The following ESRRB variants were observed in gnomAD, a reference collection of about 807,000 sequenced individuals.
ESRRB encodes steroid hormone receptor ERR2.
In ESRRB, 16 loss-of-function variants were observed where a neutral mutation model predicts 46.0. That is an observed-to-expected ratio of 0.35 (90% CI 0.24 to 0.53). The LOEUF (loss-of-function observed/expected upper bound fraction) is 0.53, where lower values mean the gene tolerates loss of function less well. Ranked by LOEUF, ESRRB falls within the 20% of genes least tolerant of loss-of-function variation. The probability of loss-of-function intolerance (pLI) is 0.93; values close to 1 mark genes in which losing one functional copy is unlikely to be tolerated. For synonymous variants in ESRRB, 246 were observed against 259.6 expected, an observed-to-expected ratio of 0.95 and a Z score of 0.50; for missense variants, 488 against 607.4, an observed-to-expected ratio of 0.80 and a Z score of 2.07.
intron 1 of ESRRB, among the ~76,000 whole-genome samples, chr14:76,314,096 A>G (rs1731544026): frequency 6.6e-6 from 1 of 152,128 alleles, no homozygotes. Flanking sequence ...TTTCTGCAGG[A>G]GGAAAGAGTT....
chr14:76,388,456 A>G (rs1885333360), intron 1 of ESRRB, among the ~76,000 whole-genome samples: 1 of 152,048 alleles, frequency 6.6e-6, no homozygotes, highest in African/African-American at 2.4e-5. Context: ...AAGTGCTGGG[A>G]TTACAGGCGT....
Position 76,482,581 on chromosome 14 carries a change from C to G in ESRRB, c.689-17C>G. On this transcript the variant is annotated splice_polypyrimidine_tract_variant and intron_variant, in intron 4 of 6. Coordinates refer to ENST00000644823, the MANE Select transcript of ESRRB (RefSeq NM_001379180.1). This position sits in a 1 kb window ranked among gnomAD's most constrained non-coding sequence, Gnocchi z 4.3. ...CTCTTTTCCCAGCATTTACCTTTCC[C>G]TCTTTGGTTGTTGCAGTGACCAAGA... is the stretch of plus-strand genomic sequence containing the variant. 3 of 1,614,144 alleles carry G rather than the reference C, an allele frequency of 1.9e-6. No individual in the cohort carries two copies. Among genetic ancestry groups the G allele is most frequent in the Non-Finnish European group, 2.5e-6 (3 of 1,180,024 alleles).
At chr14:76,441,141 C>T (rs958307605) in intron 2 of ESRRB, among the ~76,000 whole-genome samples, 1 of 152,192 alleles carries the variant, frequency 6.6e-6, no homozygotes, top group Non-Finnish European at 1.5e-5. Context: ...CAGCCTTGAA[C>T]TCCTGGGCTC....
At position 76,462,151 on chromosome 14, in the gene ESRRB, T is replaced by C. The variant is rs189349601; in HGVS notation, c.461-394T>C. 4.9e-3 allele frequency among the ~76,000 whole-genome samples: 750 copies of C among 151,888 alleles called. 3 individuals are homozygous for C. Among genetic ancestry groups the C allele is most frequent in the Non-Finnish European group, 7.4e-3 (506 of 67,938 alleles). On this transcript the variant is annotated intron_variant, in intron 2 of 6. Coordinates refer to ENST00000644823, the MANE Select transcript of ESRRB (RefSeq NM_001379180.1). Reference sequence around the variant, plus strand: ...CATGTTGGGGTCCCAGGCTGGAGGCTGGAGGAGCCTGTGGTGGTGGTGGTG... The same window carrying C: ...CATGTTGGGGTCCCAGGCTGGAGGCCGGAGGAGCCTGTGGTGGTGGTGGTG...
chr14:76,437,708 C>A (rs1887734777), intron 1 of ESRRB, among the ~76,000 whole-genome samples: 2 of 152,168 alleles, frequency 1.3e-5, no homozygotes, highest in South Asian at 4.1e-4. Context: ...CAGACCCAAT[C>A]CTGGCTGGAA....
At chr14:76,456,513 G>A (rs185613659) in intron 2 of ESRRB, among the ~76,000 whole-genome samples, 2 of 152,302 alleles carry the variant, frequency 1.3e-5, no homozygotes, top group African/African-American at 2.4e-5. Flanking sequence ...GAGGGAGGGA[G>A]CAGGTATCAG....
chr14:76,458,455 CACACACACACACACAAACACACACACAT>C (rs752751589), intron 2 of ESRRB, among the ~76,000 whole-genome samples: 10,333 of 105,264 alleles, frequency 0.098, 388 homozygotes, highest in African/African-American at 0.14. Flanking sequence ...CACACACACA[CACACACACACACACAAACACACACACAT>C]GCATGCAGGC....
intron 5 of ESRRB, among the ~76,000 whole-genome samples, chr14:76,485,383 A>T (rs1889968252): frequency 6.6e-6 from 1 of 151,586 alleles, no homozygotes; most frequent in African/African-American, 2.4e-5. Context: ...GACTACAGGC[A>T]CGTGCCACCA....
At chr14:76,461,281 A>T (rs1280464419) in intron 2 of ESRRB, among the ~76,000 whole-genome samples, 1 of 152,120 alleles carries the variant, frequency 6.6e-6, no homozygotes. Context: ...TAGTATTAGT[A>T]CTTATTTTCT....
At chr14:76,372,095 A>T (rs74069830), upstream of ESRRB, among the ~76,000 whole-genome samples, 723 of 152,132 alleles carry the variant, frequency 4.8e-3, 8 homozygotes, top group African/African-American at 0.017. Flanking sequence ...TCATGACGAG[A>T]CTGCTCTAGT....
At chr14:76,459,019 A>AT (rs1429020561) in intron 2 of ESRRB, among the ~76,000 whole-genome samples, 1 of 151,686 alleles carries the variant, frequency 6.6e-6, no homozygotes, top group Non-Finnish European at 1.5e-5. Context: ...TAAGTTTTGT[A>AT]TTTTTAGTAG....
At chr14:76,480,264 G>A (rs1416430526) in intron 3 of ESRRB, among the ~76,000 whole-genome samples, 1 of 152,162 alleles carries the variant, frequency 6.6e-6, no homozygotes, top group East Asian at 1.9e-4. Context: ...CCAGGTTGTG[G>A]GGTTGAAAAA....
At chr14:76,332,721 A>ATATATT (rs1884040019) in intron 1 of ESRRB, among the ~76,000 whole-genome samples, 2 of 25,172 alleles carry the variant, frequency 7.9e-5, no homozygotes, top group Non-Finnish European at 1.2e-4. Flanking sequence ...TTTATATATT[A>ATATATT]TATATATTTA....
At chr14:76,479,696 C>T (rs1450741207) in intron 3 of ESRRB, among the ~76,000 whole-genome samples, 2 of 152,148 alleles carry the variant, frequency 1.3e-5, no homozygotes, top group African/African-American at 4.8e-5. Context: ...TCCTCACCTT[C>T]GCTCTGTCCT....
At chr14:76,442,816 CT>C (rs1245748328) in intron 2 of ESRRB, among the ~76,000 whole-genome samples, 1,845 of 131,024 alleles carry the variant, frequency 0.014, 5 homozygotes, top group Non-Finnish European at 0.017. Flanking sequence ...TCTTTTTTTT[CT>C]TTTTTTTTTT....
In ESRRB at chr14:76,436,354, G is replaced by A. The variant is rs146140879; in HGVS notation, c.51-2987G>A. Among the ~76,000 whole-genome samples, 3 of 152,340 alleles carry A rather than the reference G, an allele frequency of 2.0e-5. No homozygotes were observed. In the East Asian group the frequency reaches 5.8e-4, roughly 29 times the overall value. ...ACAGATCTGAAACAGGTGACACAGA[G>A]TACTTGGTCACTACATCATCGCTGC... On this transcript the variant is annotated intron_variant, in intron 1 of 6. Coordinates refer to ENST00000644823, the MANE Select transcript of ESRRB (RefSeq NM_001379180.1).
chr14:76,445,489 A>G (rs1888103882), intron 2 of ESRRB, among the ~76,000 whole-genome samples: 1 of 150,628 alleles, frequency 6.6e-6, no homozygotes, highest in Non-Finnish European at 1.5e-5. Context: ...AAAAAAAGAA[A>G]GAAAGAAAGA....
intron 1 of ESRRB, among the ~76,000 whole-genome samples, chr14:76,316,839 A>G (rs1433574197): frequency 6.6e-6 from 1 of 152,130 alleles, no homozygotes; most frequent in Non-Finnish European, 1.5e-5. Context: ...GTCTAAGTCG[A>G]TGTCAAATTT....
At chr14:76,452,643 C>CA (rs397700387) in intron 2 of ESRRB, among the ~76,000 whole-genome samples, 1,475 of 94,306 alleles carry the variant, frequency 0.016, 14 homozygotes, top group Non-Finnish European at 0.02. Context: ...AAAACAAAAA[C>CA]AAAACAAAAC....
Sources: gnomAD v4.1 joint callset for allele counts (sites outside exome capture counted in the v4.1 genomes callset) on GRCh38, gnomAD v4.1.1 for gene constraint, Gnocchi (gnomAD v3.1) non-coding constraint, MANE v1.5 for transcripts, NCBI Gene and HGNC (gene_info 2026-07-23, HGNC 2026-07-21) for gene names.